CCSER1: variants seen among roughly 807,000 people sequenced by gnomAD.
CCSER1 encodes the protein coiled-coil serine rich protein 1, also known as serine-rich coiled-coil domain-containing protein 1.
Under a neutral mutation model 82.0 loss-of-function variants are expected in CCSER1, and 41 were observed. The observed-to-expected ratio is 0.50, with a 90% CI of 0.39 to 0.65. The LOEUF is 0.65. Ranked by LOEUF, CCSER1 falls within the 30% of genes least tolerant of loss-of-function variation. The probability of loss-of-function intolerance (pLI) is 0.00; values close to 1 mark genes in which losing one functional copy is unlikely to be tolerated. For synonymous variants in CCSER1, 414 were observed against 383.9 expected, an observed-to-expected ratio of 1.08 and a Z score of -0.92; for missense variants, 1,119 against 1,064.2, an observed-to-expected ratio of 1.05 and a Z score of -0.72.
intron 1 of CCSER1, among the ~76,000 whole-genome samples, chr4:90,285,071 T>G (rs941416011): frequency 1.3e-5 from 2 of 152,100 alleles, no homozygotes; most frequent in Non-Finnish European, 2.9e-5. Context: ...TAATTTGAAG[T>G]CAGGTAATGC....
At chr4:91,169,838 T>A (rs1408515545) in intron 10 of CCSER1, among the ~76,000 whole-genome samples, 1 of 152,168 alleles carries the variant, frequency 6.6e-6, no homozygotes, top group Non-Finnish European at 1.5e-5. Flanking sequence ...AAACTGCTAG[T>A]TGCCTATCCC....
At chr4:91,429,317 C>T (rs17018506) in intron 10 of CCSER1, among the ~76,000 whole-genome samples, 2 of 151,716 alleles carry the variant, frequency 1.3e-5, no homozygotes, top group Admixed American at 6.6e-5. Flanking sequence ...CGTTCAAATG[C>T]ATCTTGCAGA....
chr4:90,963,206 T>C (rs1486649980), intron 9 of CCSER1, among the ~76,000 whole-genome samples: 2 of 152,148 alleles, frequency 1.3e-5, no homozygotes, highest in Non-Finnish European at 2.9e-5. Context: ...TAAGCTTTCA[T>C]TTAAAAATTC....
At chr4:90,244,772 G>A (rs1721124226) in intron 1 of CCSER1, among the ~76,000 whole-genome samples, 1 of 152,136 alleles carries the variant, frequency 6.6e-6, no homozygotes, top group African/African-American at 2.4e-5. Context: ...TTCAACACCT[G>A]GGGATTACAA....
At chr4:91,080,410 T>C (rs1372157179) in intron 9 of CCSER1, among the ~76,000 whole-genome samples, 1 of 152,150 alleles carries the variant, frequency 6.6e-6, no homozygotes, top group Non-Finnish European at 1.5e-5. Flanking sequence ...TGGGACACAT[T>C]CAAAGCAGTG....
chr4:90,892,779 A>G (rs1723142427), intron 8 of CCSER1, among the ~76,000 whole-genome samples: 1 of 152,084 alleles, frequency 6.6e-6, no homozygotes, highest in Non-Finnish European at 1.5e-5. Context: ...CTTCCATAAT[A>G]TGAAAGGAAC....
chr4:90,849,314 G>GA (rs1389692652), intron 8 of CCSER1, among the ~76,000 whole-genome samples: 1 of 152,296 alleles, frequency 6.6e-6, no homozygotes, highest in Admixed American at 6.5e-5. Flanking sequence ...GTGAAGTAAA[G>GA]ATCACTCTTG....
At chr4:91,114,687 G>C (rs1294450742) in intron 10 of CCSER1, among the ~76,000 whole-genome samples, 3 of 152,190 alleles carry the variant, frequency 2.0e-5, no homozygotes, top group Non-Finnish European at 4.4e-5. Context: ...AGAAAGATGA[G>C]AGGGAGGGAG....
At chr4:91,016,007 C>T (rs1360333967) in intron 9 of CCSER1, among the ~76,000 whole-genome samples, 2 of 151,932 alleles carry the variant, frequency 1.3e-5, no homozygotes, top group African/African-American at 2.4e-5. Flanking sequence ...CATGTTCATT[C>T]GTCTGAATAC....
At chr4:90,938,726 T>G (rs972702204) in intron 9 of CCSER1, 14 of 382,688 alleles carry the variant, frequency 3.7e-5, no homozygotes, top group Non-Finnish European at 5.9e-5. Flanking sequence ...CAGTACTTAT[T>G]TCAACTTAGG....
At chr4:91,443,012 T>G (rs1030639050) in intron 10 of CCSER1, among the ~76,000 whole-genome samples, 3 of 152,094 alleles carry the variant, frequency 2.0e-5, no homozygotes, top group Admixed American at 6.6e-5. Flanking sequence ...GGAACACTTT[T>G]ACACTGTTGG....
chr4:91,495,559 A>C (rs1258608472), intron 10 of CCSER1, among the ~76,000 whole-genome samples: 4 of 151,540 alleles, frequency 2.6e-5, no homozygotes, highest in African/African-American at 4.8e-5. Context: ...AAAATAGCTG[A>C]AAGAATGGTA....
At chr4:90,820,416 C>T (rs1414237872) in intron 8 of CCSER1, among the ~76,000 whole-genome samples, 2 of 152,190 alleles carry the variant, frequency 1.3e-5, no homozygotes, top group African/African-American at 2.4e-5. Context: ...TAGGGCCCAT[C>T]TCTCTGCTTC....
chr4:90,573,058 G>A (rs1037974135), intron 5 of CCSER1, among the ~76,000 whole-genome samples: 2 of 152,196 alleles, frequency 1.3e-5, no homozygotes, highest in Non-Finnish European at 2.9e-5. Flanking sequence ...CAGAACCCTG[G>A]GGACTACAAC....
intron 9 of CCSER1, among the ~76,000 whole-genome samples, chr4:91,076,026 A>T (rs926468842): frequency 2.6e-5 from 4 of 152,162 alleles, no homozygotes; most frequent in African/African-American, 9.7e-5. Flanking sequence ...AATTTCTGCT[A>T]TCAGTTAAGG....
chr4:91,037,232 T>TCTCACACACA (rs34883358), intron 9 of CCSER1, among the ~76,000 whole-genome samples: 2 of 146,318 alleles, frequency 1.4e-5, no homozygotes, highest in Non-Finnish European at 3.0e-5. Flanking sequence ...TCTATCTCTG[T>TCTCACACACA]CACACACACA....
At chr4:90,233,104 C>G (rs948508491) in intron 1 of CCSER1, among the ~76,000 whole-genome samples, 1 of 152,036 alleles carries the variant, frequency 6.6e-6, no homozygotes, top group African/African-American at 2.4e-5. Flanking sequence ...TACCATTTGA[C>G]CCAGCCATCC....
chr4:90,688,327 GC>G (rs1735195751), intron 6 of CCSER1, among the ~76,000 whole-genome samples: 1 of 151,996 alleles, frequency 6.6e-6, no homozygotes, highest in Non-Finnish European at 1.5e-5. Context: ...ATGTGTGTGT[GC>G]ATGCATGTAT....
chr4:90,331,301 A>G (rs986020502), intron 3 of CCSER1, among the ~76,000 whole-genome samples: 16 of 152,186 alleles, frequency 1.1e-4, no homozygotes, highest in African/African-American at 3.4e-4. Context: ...AGATGATTTT[A>G]TTAGATGGAC....
Sources: gnomAD v4.1 joint callset for allele counts (sites outside exome capture counted in the v4.1 genomes callset) on GRCh38, gnomAD v4.1.1 for gene constraint, MANE v1.5 for transcripts, NCBI Gene and HGNC (gene_info 2026-07-23, HGNC 2026-07-21) for gene names.